Variants in WASHC2C observed in about 807,000 individuals in gnomAD.
WASHC2C encodes the protein WASH complex subunit 2C, also known as Vaccinia Penetration Factor.
WASHC2C carries 73 observed loss-of-function variants against 142.2 expected under a neutral mutation model. That is an observed-to-expected ratio of 0.51 (90% confidence interval 0.43 to 0.62). WASHC2C has a LOEUF of 0.62. Ranked by LOEUF, WASHC2C falls within the 20% of genes least tolerant of loss-of-function variation. WASHC2C has a pLI of 0.00. For synonymous variants in WASHC2C, 337 were observed against 565.5 expected (o/e 0.60, Z 5.73); for missense variants, 969 against 1,531.7 (o/e 0.63, Z 6.13).
intron 28 of WASHC2C, 106 bp downstream of exon 28, chr10:45,787,353 T>C: frequency 6.9e-7 from 1 of 1,450,902 alleles, no homozygotes; most frequent in Non-Finnish European, 9.5e-7. Flanking sequence ...GACTCTCCTT[T>C]TGAAGGAGGT....
chr10:45,768,723 C>T (rs1340429831), intron 19 of WASHC2C, among the ~76,000 whole-genome samples: 1 of 151,532 alleles, frequency 6.6e-6, no homozygotes, highest in Non-Finnish European at 1.5e-5. Context: ...TGAGTTTTTA[C>T]ACTTTTTTTT....
chr10:45,769,550 G>A lies in WASHC2C; in HGVS notation c.1971G>A (p.Lys657=), dbSNP rs782250800. Residue 657 remains lysine, a synonymous_variant, in exon 20 of 31, where the codon AAG becomes AAA. Coordinates refer to ENST00000623400, the MANE Select transcript of WASHC2C (RefSeq NM_001330074.2). ...DSGTLQSQEA[K]AVKKTSLFEE... is the part of the protein sequence containing the mutation. ...GGACCCTCCAGAGCCAGGAGGCCAA[G>A]GCTGTGAAAAAGACCAGTCTCTTTG... The A allele has an allele frequency of 3.1e-6, 5 of 1,611,862 alleles. No homozygotes were observed. Among genetic ancestry groups the A allele is most frequent in the Non-Finnish European group, 3.4e-6 (4 of 1,179,844 alleles).
At chr10:45,762,854 C>T (rs1431861757) in intron 17 of WASHC2C, among the ~76,000 whole-genome samples, 2 of 152,028 alleles carry the variant, frequency 1.3e-5, no homozygotes, top group Non-Finnish European at 2.9e-5. Context: ...TTCAGTGAGC[C>T]GAGATTGCAC....
In WASHC2C at chr10:45,789,419, G is replaced by C; in HGVS notation, c.3636G>C (p.Gln1212His). The C allele has an allele frequency of 6.2e-7, 1 of 1,612,048 alleles. No homozygotes were observed. The highest frequency in any genetic ancestry group is 2.2e-5 in the East Asian group (1 of 44,888). ...LEDEDDLFTD[Q>H]KVKKNETKSS... ...ATGAGGATGACCTCTTTACAGATCA[G>C]AAAGTCAAGAAGAATGAGACAAAAT... is the stretch of plus-strand genomic sequence containing the variant. The change falls in exon 29 of 31, where the codon CAG becomes CAC. Residue 1212 changes from glutamine (Q) to histidine (H), a missense_variant. Physicochemically the swap from Gln to His is conservative, Grantham distance 24. Coordinates refer to ENST00000623400, the MANE Select transcript of WASHC2C (RefSeq NM_001330074.2).
intron 19 of WASHC2C, among the ~76,000 whole-genome samples, chr10:45,768,220 C>CT (rs1195709753): frequency 4.9e-5 from 7 of 143,392 alleles, no homozygotes; most frequent in African/African-American, 1.0e-4. Context: ...GAGCAAGACT[C>CT]TGTCTCGAAA....
chr10:45,759,752 G>GTA (rs1421793912), intron 17 of WASHC2C, among the ~76,000 whole-genome samples: 1 of 151,970 alleles, frequency 6.6e-6, no homozygotes, highest in Non-Finnish European at 1.5e-5. Context: ...CCGGGAGGCA[G>GTA]AAGTTGCAAT....
rs1165564406 is a variant in WASHC2C, at chr10:45,775,149, AT to A, written c.2142+1800del. On this transcript the variant is annotated intron_variant, in intron 21 of 30. Coordinates refer to ENST00000623400, the MANE Select transcript of WASHC2C (RefSeq NM_001330074.2). ...GGCCAAGATGCAGCCATTTTAGACAATTTTTTTTTCTTCAGACTTTCCTTAT... is the reference window on the plus strand; with the variant it reads ...GGCCAAGATGCAGCCATTTTAGACAATTTTTTTTCTTCAGACTTTCCTTAT... Among the ~76,000 whole-genome samples, 19 of 142,456 alleles carry A rather than the reference AT, an allele frequency of 1.3e-4. 1 individual carries two copies. Among genetic ancestry groups the A allele is most frequent in the Non-Finnish European group, 2.0e-4 (13 of 65,338 alleles). The allele number at this position is 142,456 out of a possible 152,430, so 93.5% of individuals were successfully genotyped here. A position where few individuals can be genotyped will look rare whatever the true frequency, so the allele number is the denominator to read the frequency against.
At chr10:45,750,864 A>G in intron 10 of WASHC2C, 26 bp downstream of exon 10, 2 of 1,545,088 alleles carry the variant, frequency 1.3e-6, no homozygotes, top group Non-Finnish European at 1.7e-6. Flanking sequence ...GTTGATGGGG[A>G]GTAGGGGAGG....
rs2610466 is a variant in WASHC2C, at chr10:45,741,346, A to G, written c.528+1100A>G. Among the ~76,000 whole-genome samples, 474 of 152,234 alleles carry G rather than the reference A, an allele frequency of 3.1e-3. 1 individual carries two copies. The highest frequency in any genetic ancestry group is 5.1e-3 in the Non-Finnish European group (345 of 68,004). On this transcript the variant is annotated intron_variant, in intron 5 of 30. Transcript: ENST00000623400. ...TGAGGCAGATCATTTGGCACTGACC[A>G]GTACACTTGCTGCTTGGATTTTCAC...
At chr10:45,743,518 C>A (rs782796819) in intron 6 of WASHC2C, 35 bp downstream of exon 6, 3 of 1,604,874 alleles carry the variant, frequency 1.9e-6, no homozygotes, top group Admixed American at 1.7e-5. Context: ...TATTCCTTAA[C>A]ATTTCTTTTT....
At chr10:45,755,211 G>T (rs1365817701) in intron 15 of WASHC2C, 96 bp downstream of exon 15, 2 of 1,508,062 alleles carry the variant, frequency 1.3e-6, no homozygotes, top group South Asian at 2.4e-5. Flanking sequence ...CTCTTACAGT[G>T]CCAGAATCCC....
At chr10:45,764,891 C>T (rs1283141437) in intron 18 of WASHC2C, among the ~76,000 whole-genome samples, 4 of 151,528 alleles carry the variant, frequency 2.6e-5, no homozygotes, top group African/African-American at 9.7e-5. Context: ...GCCTGTCCTA[C>T]ATTACCGCAC....
At chr10:45,751,735 T>C (rs2053614245) in intron 11 of WASHC2C, among the ~76,000 whole-genome samples, 182 bp downstream of exon 11, 1 of 152,218 alleles carries the variant, frequency 6.6e-6, no homozygotes, top group Non-Finnish European at 1.5e-5. Flanking sequence ...CCCAGCGCTT[T>C]GGGAGGCCGA....
intron 28 of WASHC2C, among the ~76,000 whole-genome samples, chr10:45,787,957 G>T (rs181158278): frequency 1.3e-5 from 2 of 152,324 alleles, no homozygotes; most frequent in Admixed American, 1.3e-4. Context: ...TTTCTATCCA[G>T]TCTCCCTTCT....
At chr10:45,758,852 C>T (rs1366172941) in intron 16 of WASHC2C, among the ~76,000 whole-genome samples, 1 of 149,626 alleles carries the variant, frequency 6.7e-6, no homozygotes, top group Non-Finnish European at 1.5e-5. Context: ...TGCATTTGGC[C>T]AGTGTGTGTG....
chr10:45,780,544 T>G (rs2057413227), intron 23 of WASHC2C, among the ~76,000 whole-genome samples: 1 of 152,102 alleles, frequency 6.6e-6, no homozygotes, highest in African/African-American at 2.4e-5. Context: ...GGCATTCAGA[T>G]TGGAAAGGAA....
At chr10:45,727,648 C>T (rs943605845) in intron 2 of WASHC2C, 109 bp downstream of exon 2, 214 of 1,311,796 alleles carry the variant, frequency 1.6e-4, no homozygotes, top group African/African-American at 1.3e-3. Flanking sequence ...CGTTGCCTGC[C>T]CTCTTAGGAA....
chr10:45,738,667 A>G (rs1241248727), intron 4 of WASHC2C, among the ~76,000 whole-genome samples: 1 of 152,128 alleles, frequency 6.6e-6, no homozygotes, highest in African/African-American at 2.4e-5. Flanking sequence ...TGTTGCCAGC[A>G]TTTTTTTAAA....
At chr10:45,755,225 T>C (rs2054102623) in intron 15 of WASHC2C, 110 bp downstream of exon 15, 4 of 1,426,596 alleles carry the variant, frequency 2.8e-6, no homozygotes, top group Admixed American at 2.1e-5. Context: ...GAATCCCTTC[T>C]CCAGCATTCC....
Sources: gnomAD v4.1 joint callset for allele counts (sites outside exome capture counted in the v4.1 genomes callset) on GRCh38, gnomAD v4.1.1 for gene constraint, MANE v1.5 for transcripts, NCBI Gene and HGNC (gene_info 2026-07-23, HGNC 2026-07-21) for gene names.